The following PSD3 variants were observed in gnomAD, a reference collection of about 807,000 sequenced individuals.
PSD3 encodes the protein PH and SEC7 domain-containing protein 3.
PSD3 carries 49 observed loss-of-function variants against 105.5 expected under a neutral mutation model. The ratio of observed to expected loss-of-function variants is 0.46; its 90% CI spans 0.37 to 0.59. PSD3 has a LOEUF of 0.59. Ranked by LOEUF, PSD3 falls within the 20% of genes least tolerant of loss-of-function variation. The pLI is 0.00. For synonymous variants in PSD3, 557 were observed against 457.8 expected, an observed-to-expected ratio of 1.22 and a Z score of -2.77; for missense variants, 1,561 against 1,263.8, an observed-to-expected ratio of 1.24 and a Z score of -3.57.
intron 2 of PSD3, among the ~76,000 whole-genome samples, chr8:18,885,284 T>C (rs987060856): frequency 6.6e-6 from 1 of 152,156 alleles, no homozygotes; most frequent in African/African-American, 2.4e-5. Context: ...ACTCTTTAGT[T>C]TTAATTTTAT....
chr8:18,783,258 G>C (rs1483479364), intron 8 of PSD3, among the ~76,000 whole-genome samples: 1 of 152,108 alleles, frequency 6.6e-6, no homozygotes, highest in Non-Finnish European at 1.5e-5. Flanking sequence ...AGGTTATCTA[G>C]CTGTTGACAA....
chr8:18,755,796 G>T (rs538708797), intron 9 of PSD3, among the ~76,000 whole-genome samples: 2 of 150,364 alleles, frequency 1.3e-5, no homozygotes, highest in Non-Finnish European at 3.0e-5. Flanking sequence ...CATGATTTGT[G>T]GATCTTCAGT....
At chr8:18,591,372 T>A (rs183161416) in intron 12 of PSD3, among the ~76,000 whole-genome samples, 2 of 152,164 alleles carry the variant, frequency 1.3e-5, no homozygotes, top group Non-Finnish European at 2.9e-5. Flanking sequence ...TGTGGATACC[T>A]GGGCACTGCT....
At chr8:18,995,673 T>G (rs1563495217) in intron 1 of PSD3, among the ~76,000 whole-genome samples, 1 of 152,052 alleles carries the variant, frequency 6.6e-6, no homozygotes, top group African/African-American at 2.4e-5. Flanking sequence ...ACAGCTCAGC[T>G]TGACTAGGAA....
intron 9 of PSD3, among the ~76,000 whole-genome samples, chr8:18,659,593 C>A (rs1324739039): frequency 6.6e-6 from 1 of 152,204 alleles, no homozygotes; most frequent in African/African-American, 2.4e-5. Flanking sequence ...TATGCCTGGC[C>A]AAAGTCAGAG....
intron 1 of PSD3, among the ~76,000 whole-genome samples, chr8:19,068,846 T>C (rs1228578379): frequency 3.3e-5 from 5 of 152,098 alleles, no homozygotes; most frequent in Admixed American, 2.6e-4. Flanking sequence ...GGGCTGGCTC[T>C]GACTGTGTGA....
At chr8:18,565,869 G>A (rs1052094404) in intron 14 of PSD3, among the ~76,000 whole-genome samples, 3 of 152,108 alleles carry the variant, frequency 2.0e-5, no homozygotes, top group South Asian at 2.1e-4. Flanking sequence ...TGTTAGAACT[G>A]GGGGGTCCCT....
intron 1 of PSD3, among the ~76,000 whole-genome samples, chr8:18,996,631 C>G (rs540845500): frequency 3.3e-5 from 5 of 151,916 alleles, no homozygotes; most frequent in African/African-American, 9.7e-5. Context: ...TCTTTACTGT[C>G]TTTCCCATTG....
intron 2 of PSD3, among the ~76,000 whole-genome samples, chr8:18,916,011 G>C (rs527346922): frequency 6.6e-6 from 1 of 151,866 alleles, no homozygotes; most frequent in Non-Finnish European, 1.5e-5. Context: ...CAGGAGAATC[G>C]CTTGAACCCA....
chr8:18,710,274 C>T (rs555900410), intron 9 of PSD3, among the ~76,000 whole-genome samples: 139 of 152,040 alleles, frequency 9.1e-4, no homozygotes, highest in African/African-American at 3.1e-3. Context: ...TGAAGTAAGA[C>T]AGGCAGAAAA....
chr8:18,934,882 G>T (rs925575896), intron 2 of PSD3, among the ~76,000 whole-genome samples: 1 of 152,150 alleles, frequency 6.6e-6, no homozygotes, highest in Non-Finnish European at 1.5e-5. Context: ...AAAATTACAC[G>T]TTTTGAAATT....
chr8:18,699,055 T>C (rs73199934), intron 9 of PSD3, among the ~76,000 whole-genome samples: 10,762 of 152,212 alleles, frequency 0.071, 534 homozygotes, highest in East Asian at 0.24. Flanking sequence ...TGCCTGTTTG[T>C]CCACCTAAAT....
chr8:19,084,773 C>T (rs966512441), upstream of PSD3: 9 of 273,746 alleles, frequency 3.3e-5, no homozygotes, highest in African/African-American at 2.0e-4. Context: ...CAGCTGAGCC[C>T]TGTGTGCGCC....
chr8:18,800,847 A>G (rs1408704322), intron 7 of PSD3: 1 of 153,696 alleles, frequency 6.5e-6, no homozygotes, highest in Non-Finnish European at 1.4e-5. Flanking sequence ...GCTTTCATCA[A>G]GAAACATAGA....
At chr8:18,736,958 T>A (rs1475496341) in intron 9 of PSD3, among the ~76,000 whole-genome samples, 1 of 152,250 alleles carries the variant, frequency 6.6e-6, no homozygotes, top group African/African-American at 2.4e-5. Context: ...GAGATGATTA[T>A]GCTGAGTGTG....
At chr8:18,712,302 T>A (rs12541624) in intron 9 of PSD3, among the ~76,000 whole-genome samples, 1 of 147,138 alleles carries the variant, frequency 6.8e-6, no homozygotes, top group African/African-American at 2.6e-5. Flanking sequence ...GATAGGGACA[T>A]GAAAAATCCT....
At chr8:18,635,956 C>T (rs1287856680) in intron 10 of PSD3, among the ~76,000 whole-genome samples, 1 of 152,052 alleles carries the variant, frequency 6.6e-6, no homozygotes, top group African/African-American at 2.4e-5. Context: ...GGCTTAAAAC[C>T]TAGATAATGG....
At chr8:18,793,018 C>T (rs1348143283) in intron 8 of PSD3, among the ~76,000 whole-genome samples, 2 of 152,190 alleles carry the variant, frequency 1.3e-5, no homozygotes, top group Non-Finnish European at 1.5e-5. Context: ...AGTTCATATG[C>T]TTTGTAGGGA....
intron 4 of PSD3, among the ~76,000 whole-genome samples, chr8:18,865,706 G>T (rs762233973): frequency 3.3e-5 from 5 of 152,078 alleles, no homozygotes; most frequent in Non-Finnish European, 7.4e-5. Flanking sequence ...AAGCTGGCGC[G>T]TCTCCAAGGT....
Sources: allele counts gnomAD v4.1 joint callset (sites outside exome capture counted in the v4.1 genomes callset), GRCh38; gene constraint gnomAD v4.1.1; transcripts MANE v1.5; gene names NCBI Gene and HGNC (gene_info 2026-07-23, HGNC 2026-07-21).